Variants in DPP4 observed in about 807,000 individuals in gnomAD.
DPP4 encodes the protein dipeptidyl peptidase 4, also known as ADCP-2.
Under a neutral mutation model 122.4 loss-of-function variants are expected in DPP4, and 93 were observed. That is an observed-to-expected ratio of 0.76 (90% CI 0.64 to 0.90). The LOEUF (loss-of-function observed/expected upper bound fraction) is 0.90, where lower values mean the gene tolerates loss of function less well. Ranked by LOEUF, DPP4 falls within the 40% of genes least tolerant of loss-of-function variation. DPP4 has a pLI of 0.00. For missense variants in DPP4, 914 were observed against 907.3 expected, an observed-to-expected ratio of 1.01 and a Z score of -0.09; for synonymous variants, 321 against 302.9, an observed-to-expected ratio of 1.06 and a Z score of -0.62.
chr2:162,020,709 A>C, intron 12 of DPP4, 21 bp from the exon 13 acceptor site: 1 of 1,549,766 alleles, frequency 6.5e-7, no homozygotes, highest in Non-Finnish European at 8.8e-7. Context: ...ATAGAGAACA[A>C]AAGAACATTA....
chr2:162,016,404 A>G (rs1267957346), intron 18 of DPP4, among the ~76,000 whole-genome samples: 1 of 152,222 alleles, frequency 6.6e-6, no homozygotes, highest in Non-Finnish European at 1.5e-5. Context: ...TTATACAACT[A>G]TCTCAGATAT....
At chr2:162,022,893 A>C in intron 11 of DPP4, 94 bp from the exon 12 acceptor site, 1 of 1,223,088 alleles carries the variant, frequency 8.2e-7, no homozygotes, top group Non-Finnish European at 1.2e-6. Context: ...AGCTGTACTT[A>C]TAATAACTGA....
intron 23 of DPP4, among the ~76,000 whole-genome samples, chr2:162,004,585 G>GAA (rs1559705305): frequency 6.6e-6 from 1 of 150,626 alleles, no homozygotes; most frequent in Non-Finnish European, 1.5e-5. Context: ...ACAGCTCCCT[G>GAA]CACACACACA....
At chr2:162,022,583 A>G (rs138312691) in intron 12 of DPP4, among the ~76,000 whole-genome samples, 172 bp downstream of exon 12, 1 of 152,292 alleles carries the variant, frequency 6.6e-6, no homozygotes, top group Non-Finnish European at 1.5e-5. Flanking sequence ...TGTGTGTTAT[A>G]TATTCTCTAC....
intron 2 of DPP4, among the ~76,000 whole-genome samples, chr2:162,058,861 T>C (rs1684664817): frequency 6.6e-6 from 1 of 152,208 alleles, no homozygotes; most frequent in African/African-American, 2.4e-5. Flanking sequence ...TTTGACAATC[T>C]CATCTGGACA....
intron 2 of DPP4, among the ~76,000 whole-genome samples, chr2:162,064,924 C>A (rs930245471): frequency 6.6e-6 from 1 of 152,180 alleles, no homozygotes; most frequent in Non-Finnish European, 1.5e-5. Flanking sequence ...TGATGTCTGT[C>A]CTCTTTTGTT....
chr2:162,050,952 G>A (rs1684362153), intron 2 of DPP4, among the ~76,000 whole-genome samples: 1 of 152,160 alleles, frequency 6.6e-6, no homozygotes, highest in African/African-American at 2.4e-5. Flanking sequence ...TTCGGCCTGG[G>A]ACATGTTCAT....
intron 2 of DPP4, 133 bp downstream of exon 2, chr2:162,073,266 G>A: frequency 1.2e-6 from 1 of 809,298 alleles, no homozygotes; most frequent in Non-Finnish European, 2.0e-6. Context: ...AACAACAACT[G>A]GGAAGCCTTC....
chr2:162,053,369 C>T (rs186129938), intron 2 of DPP4, among the ~76,000 whole-genome samples: 6 of 151,938 alleles, frequency 3.9e-5, no homozygotes, highest in East Asian at 1.9e-4. Flanking sequence ...CCCTGGGCCA[C>T]GTGAGAAGAA....
At chr2:162,033,514 GC>G (rs1683639453) in intron 10 of DPP4, 26 bp downstream of exon 10, 1 of 1,562,614 alleles carries the variant, frequency 6.4e-7, no homozygotes, top group African/African-American at 1.4e-5. Context: ...CTGTTTACAA[GC>G]CAAGCATTCA....
At chr2:162,059,497 C>G (rs1684690432) in intron 2 of DPP4, among the ~76,000 whole-genome samples, 1 of 152,214 alleles carries the variant, frequency 6.6e-6, no homozygotes, top group African/African-American at 2.4e-5. Context: ...GCTAGTTTCT[C>G]TTCACATATA....
At chr2:162,009,189 C>T (rs1701355852) in intron 21 of DPP4, 52 bp downstream of exon 21, 5 of 1,565,090 alleles carry the variant, frequency 3.2e-6, no homozygotes, top group Non-Finnish European at 4.4e-6. Context: ...GTAACCTGCT[C>T]TGAGTGATAT....
intron 23 of DPP4, among the ~76,000 whole-genome samples, chr2:162,002,539 C>T (rs1290347614): frequency 6.6e-6 from 1 of 152,124 alleles, no homozygotes; most frequent in Non-Finnish European, 1.5e-5. Flanking sequence ...CCAGACTAAA[C>T]GTGAACCGCT....
intron 8 of DPP4, among the ~76,000 whole-genome samples, chr2:162,036,796 G>A (rs1683791910): frequency 6.6e-6 from 1 of 152,142 alleles, no homozygotes; most frequent in African/African-American, 2.4e-5. Flanking sequence ...ACTGAGGCAT[G>A]GAGCAATCCA....
In DPP4 at chr2:162,047,435, C is replaced by G. The variant is rs200711874; in HGVS notation, c.161G>C (p.Arg54Thr). 16 of 1,582,484 alleles carry G rather than the reference C, an allele frequency of 1.0e-5. No homozygotes were observed. Among genetic ancestry groups the G allele is most frequent in the Non-Finnish European group, 1.4e-5 (16 of 1,158,430 alleles). ...CCATCTTAAGGAGTATAACTTCAGTCTATAAGTATTTTTTAAGTAATCAGT... is the reference window on the plus strand; with the variant it reads ...CCATCTTAAGGAGTATAACTTCAGTGTATAAGTATTTTTTAAGTAATCAGT... ...TLTDYLKNTYRLKLYSLRWIS... is the reference protein window; with the variant it reads ...TLTDYLKNTYTLKLYSLRWIS... The change falls in exon 3 of 26, where the codon AGA (arginine) becomes ACA (threonine). Residue 54 changes from arginine (R) to threonine (T), a missense_variant. Coordinates refer to ENST00000360534, the MANE Select transcript of DPP4 (RefSeq NM_001935.4).
intron 18 of DPP4, among the ~76,000 whole-genome samples, chr2:162,014,740 T>C (rs1249545475): frequency 6.6e-6 from 1 of 152,192 alleles, no homozygotes; most frequent in Non-Finnish European, 1.5e-5. Context: ...TCTTAGAATT[T>C]CTAATGTTTT....
At chr2:161,999,354 C>G (rs1701087323) in intron 23 of DPP4, among the ~76,000 whole-genome samples, 1 of 152,196 alleles carries the variant, frequency 6.6e-6, no homozygotes, top group African/African-American at 2.4e-5. Context: ...TCCCTCTTTG[C>G]CTATCCATGG....
At chr2:162,055,180 T>C (rs75900502) in intron 2 of DPP4, among the ~76,000 whole-genome samples, 6,638 of 152,304 alleles carry the variant, frequency 0.044, 196 homozygotes, top group Middle Eastern at 0.092. Flanking sequence ...TGCAATCTAA[T>C]CATTTCCTAA....
At chr2:162,031,112 T>C (rs1683535823) in intron 10 of DPP4, among the ~76,000 whole-genome samples, 1 of 152,210 alleles carries the variant, frequency 6.6e-6, no homozygotes, top group Non-Finnish European at 1.5e-5. Context: ...AACTAACTTA[T>C]TCAAATATTT....
Sources: allele counts gnomAD v4.1 joint callset (sites outside exome capture counted in the v4.1 genomes callset), GRCh38; gene constraint gnomAD v4.1.1; transcripts MANE v1.5; gene names NCBI Gene and HGNC (gene_info 2026-07-23, HGNC 2026-07-21).